HGF: variants seen among roughly 807,000 people sequenced by gnomAD.
HGF encodes the protein fibroblast-derived tumor cytotoxic factor.
Under a neutral mutation model 111.6 loss-of-function variants are expected in HGF, and 39 were observed. That is an observed-to-expected ratio of 0.35 (90% CI 0.27 to 0.46). HGF has a LOEUF of 0.46. Among genes scored for constraint, HGF ranks in the 20% least tolerant of loss-of-function variants. The pLI is 1.00. For synonymous variants in HGF, 285 were observed against 294.8 expected, an observed-to-expected ratio of 0.97 and a Z score of 0.34; for missense variants, 735 against 910.5, an observed-to-expected ratio of 0.81 and a Z score of 2.48.
Position 81,754,164 on chromosome 7 carries a change from G to C in HGF, c.483-1902C>G, listed in dbSNP as rs969814650. Among the ~76,000 whole-genome samples the C allele has an allele frequency of 2.6e-5, 4 of 151,868 alleles. No homozygotes were observed. In the South Asian group the frequency reaches 8.3e-4, roughly 32 times the overall value. ...TTGCCCCATATCTATCACCTAAATAGTATACAACCTTAGTCCTTAGACAAT... is the reference window on the plus strand; with the variant it reads ...TTGCCCCATATCTATCACCTAAATACTATACAACCTTAGTCCTTAGACAAT... On this transcript the variant is annotated intron_variant, in intron 4 of 17. Coordinates refer to ENST00000222390, the MANE Select transcript of HGF (RefSeq NM_000601.6).
intron 7 of HGF, 73 bp from the exon 8 acceptor site, chr7:81,729,852 C>T: frequency 7.1e-7 from 1 of 1,417,140 alleles, no homozygotes; most frequent in Non-Finnish European, 9.8e-7. Flanking sequence ...TCTTAGAGTT[C>T]ATTGGCATTT....
chr7:81,749,064 A>G (rs977398179), intron 5 of HGF, among the ~76,000 whole-genome samples: 4 of 152,170 alleles, frequency 2.6e-5, no homozygotes, highest in Non-Finnish European at 5.9e-5. Context: ...TTAAAATATA[A>G]ATAGTCTCAC....
Position 81,702,269 on chromosome 7 carries a change from T to C in HGF, c.*312A>G, listed in dbSNP as rs1216802057. The C allele has an allele frequency of 1.5e-5, 5 of 323,464 alleles. No homozygotes were observed. Among genetic ancestry groups the C allele is most frequent in the East Asian group, 4.8e-5 (1 of 20,992 alleles). 20.0% of individuals were successfully genotyped at this position (323,464 alleles called of 1,614,324 possible). A position where few individuals can be genotyped will look rare whatever the true frequency, so the allele number is the denominator to read the frequency against. On this transcript the variant is annotated 3_prime_UTR_variant, in exon 18 of 18. Transcript: ENST00000222390. ...TCAGAAAGCAGCTTAGACAGATTAA[T>C]TGATTTTTTTTCCCATGAAATCTTT...
chr7:81,767,613 G>C (rs1298277934), intron 1 of HGF, among the ~76,000 whole-genome samples: 3 of 152,136 alleles, frequency 2.0e-5, no homozygotes, highest in African/African-American at 7.2e-5. Flanking sequence ...AGTGAATAGA[G>C]GGTAATTCTA....
intron 1 of HGF, among the ~76,000 whole-genome samples, chr7:81,766,462 C>T (rs758830082): frequency 2.0e-5 from 3 of 152,154 alleles, no homozygotes; most frequent in Non-Finnish European, 2.9e-5. Context: ...TCTAAATTTT[C>T]GTTGTTATTA....
chr7:81,720,116 CTATGAG>C (rs1182138126), intron 10 of HGF, among the ~76,000 whole-genome samples: 1 of 152,154 alleles, frequency 6.6e-6, no homozygotes, highest in East Asian at 1.9e-4. Context: ...GCTACCTTCT[CTATGAG>C]TATATCTATG....
intron 2 of HGF, among the ~76,000 whole-genome samples, chr7:81,761,171 G>T (rs1789056269): frequency 6.6e-6 from 1 of 152,172 alleles, no homozygotes; most frequent in African/African-American, 2.4e-5. Flanking sequence ...CTACACAGCT[G>T]AGATGTTGAT....
Position 81,702,416 on chromosome 7 carries a change from A to G in HGF, c.*165T>C, listed in dbSNP as rs1789305604. On this transcript the variant is annotated 3_prime_UTR_variant, in exon 18 of 18. Transcript: ENST00000222390. ...ATTGACAAAATAACACTGACAAACA[A>G]AACAACAGAAAACACCCATAAACAT... is the stretch of plus-strand genomic sequence containing the variant. 1 of 614,760 alleles carries G rather than the reference A, an allele frequency of 1.6e-6. No individual in the cohort carries two copies. The highest frequency in any genetic ancestry group is 2.0e-5 in the South Asian group (1 of 48,856). The allele number at this position is 614,760 out of a possible 1,614,324, so 38.1% of individuals were successfully genotyped here.
rs764869064 is a variant in HGF, at chr7:81,717,276, G to A, written c.1361C>T (p.Thr454Met). 1.2e-6 allele frequency: 2 copies of A among 1,613,340 alleles called. No homozygotes were observed. The highest frequency in any genetic ancestry group is 1.7e-6 in the Non-Finnish European group (2 of 1,179,338). ...ATCCCAAGGAATGAGTGGATTTCCC[G>A]TGTAGCACCAGGGTCCATGAGCATC... Reference protein sequence around the residue: ...DDDAHGPWCYTGNPLIPWDYC... With the variant: ...DDDAHGPWCYMGNPLIPWDYC... Residue 454 changes from threonine (T) to methionine (M), a missense_variant, in exon 11 of 18, where the codon ACG becomes ATG. By Grantham distance (81) the Thr-to-Met change is moderately conservative. Transcript: ENST00000222390.
intron 9 of HGF, 30 bp from the exon 10 acceptor site, chr7:81,720,877 A>G (rs1789834895): frequency 8.9e-7 from 1 of 1,117,936 alleles, no homozygotes; most frequent in Non-Finnish European, 1.4e-6. Context: ...AAATAAGTCC[A>G]ATGAATATCA....
At chr7:81,754,156 C>T (rs1203852630) in intron 4 of HGF, among the ~76,000 whole-genome samples, 2 of 151,946 alleles carry the variant, frequency 1.3e-5, no homozygotes, top group South Asian at 2.1e-4. Flanking sequence ...ATATCTATCA[C>T]CTAAATAGTA....
At chr7:81,751,238 C>G (rs912759309) in intron 5 of HGF, 1 of 978,056 alleles carries the variant, frequency 1.0e-6, no homozygotes, top group Non-Finnish European at 1.2e-6. Flanking sequence ...TCCCCCTCCC[C>G]AAATACTCCA....
At chr7:81,746,246 T>C (rs978589187) in intron 5 of HGF, among the ~76,000 whole-genome samples, 6 of 152,230 alleles carry the variant, frequency 3.9e-5, no homozygotes, top group Non-Finnish European at 8.8e-5. Flanking sequence ...TCTGCTTTCC[T>C]TCATTTATAT....
In HGF at chr7:81,762,893, TA is replaced by T. The variant is rs759970496; in HGVS notation, c.89-22del. On this transcript the variant is annotated intron_variant, in intron 1 of 17. Coordinates refer to ENST00000222390, the MANE Select transcript of HGF (RefSeq NM_000601.6). Reference sequence around the variant, plus strand: ...TCCCTCTATTAAATACAAAATGTTTTAAAAAAATAAACATTGGAGAAATGTT... The same window carrying T: ...TCCCTCTATTAAATACAAAATGTTTTAAAAAATAAACATTGGAGAAATGTT... The T allele has an allele frequency of 1.6e-5, 21 of 1,348,662 alleles. 1 individual carries two copies. The highest frequency in any genetic ancestry group is 8.7e-5 in the African/African-American group (6 of 69,140). The allele number at this position is 1,348,662 out of a possible 1,614,324, so 83.5% of individuals were successfully genotyped here.
rs2115766665 is a variant in HGF at position 81,705,726 on chromosome 7, A to G, written c.1785T>C (p.Ser595=). 6.2e-7 allele frequency: 1 copy of G among 1,611,764 alleles called. No homozygotes were observed. The highest frequency in any genetic ancestry group is 1.7e-5 in the Admixed American group (1 of 59,800). ...ARPAVLDDFV[S]TIDLPNYGCT... ...ATCCATAATTAGGTAAATCAATCGT[A>G]CTAACAAAATCATCCAGGACAGCAG... is the stretch of plus-strand genomic sequence containing the variant. The change falls in exon 16 of 18, where the codon AGT becomes AGC. Residue 595 remains serine, a synonymous_variant. Transcript: ENST00000222390.
intron 11 of HGF, among the ~76,000 whole-genome samples, chr7:81,716,445 C>T (rs1055281236): frequency 6.6e-6 from 1 of 152,254 alleles, no homozygotes; most frequent in African/African-American, 2.4e-5. Context: ...TATTTACAAT[C>T]ATTTTATTTG....
At chr7:81,769,514 A>C (rs1209043649) in intron 1 of HGF, among the ~76,000 whole-genome samples, 1 of 152,156 alleles carries the variant, frequency 6.6e-6, no homozygotes, top group Non-Finnish European at 1.5e-5. Context: ...CGGACTGACC[A>C]TCACTCTTGC....
chr7:81,724,506 A>T (rs984124509), intron 9 of HGF, among the ~76,000 whole-genome samples: 1 of 152,220 alleles, frequency 6.6e-6, no homozygotes, highest in Non-Finnish European at 1.5e-5. Context: ...AATTTACTAT[A>T]CATCAGTAAT....
At chr7:81,751,618 A>C (rs1787107075) in intron 5 of HGF, 1 of 994,820 alleles carries the variant, frequency 1.0e-6, no homozygotes, top group African/African-American at 1.7e-5. Flanking sequence ...CATTTTCACC[A>C]AAATGTGCAT....
Sources: allele counts gnomAD v4.1 joint callset (sites outside exome capture counted in the v4.1 genomes callset), GRCh38; gene constraint gnomAD v4.1.1; transcripts MANE v1.5; gene names NCBI Gene and HGNC (gene_info 2026-07-23, HGNC 2026-07-21).